The following ADCY2 variants were observed in gnomAD, a reference collection of about 807,000 sequenced individuals.
ADCY2 encodes the protein adenylate cyclase type 2.
A neutral mutation model predicts 125.2 loss-of-function variants in ADCY2; 31 were observed. The ratio of observed to expected loss-of-function variants is 0.25; its 90% CI spans 0.19 to 0.33. The LOEUF is 0.33. Ranked by LOEUF, ADCY2 falls within the 10% of genes least tolerant of loss-of-function variation. The pLI is 1.00. For synonymous variants in ADCY2, 512 were observed against 548.4 expected (o/e 0.93, Z 0.93); for missense variants, 904 against 1,418.2 (o/e 0.64, Z 5.82).
intron 3 of ADCY2, among the ~76,000 whole-genome samples, chr5:7,532,144 C>T (rs1307962319): frequency 1.3e-5 from 2 of 152,184 alleles, no homozygotes; most frequent in Admixed American, 6.5e-5. Context: ...CTTGTTGAAA[C>T]AAAACTATCA....
intron 3 of ADCY2, among the ~76,000 whole-genome samples, chr5:7,554,444 T>C (rs1317041039): frequency 1.3e-5 from 2 of 152,212 alleles, no homozygotes; most frequent in Non-Finnish European, 2.9e-5. Flanking sequence ...AAGTACATAT[T>C]TGATTTTAAT....
intron 3 of ADCY2, among the ~76,000 whole-genome samples, chr5:7,617,414 G>T (rs978164533): frequency 1.1e-4 from 17 of 152,184 alleles, no homozygotes; most frequent in Non-Finnish European, 2.4e-4. Context: ...GTAGCCTTCA[G>T]AAATGTGAGG....
chr5:7,501,246 G>C (rs1579508887), intron 2 of ADCY2, among the ~76,000 whole-genome samples: 1 of 152,088 alleles, frequency 6.6e-6, no homozygotes, highest in Admixed American at 6.5e-5. Context: ...TGAAGCAAGA[G>C]GAATACAGAA....
chr5:7,520,667 G>C lies in ADCY2; in HGVS notation c.409-71G>C. The C allele has an allele frequency of 2.6e-6, 4 of 1,549,156 alleles. No individual in the cohort carries two copies. In the South Asian group the frequency reaches 4.6e-5, roughly 18 times the overall value. On this transcript the variant is annotated intron_variant, in intron 2 of 24. Coordinates refer to ENST00000338316, the MANE Select transcript of ADCY2 (RefSeq NM_020546.3). ...ATGCTGTTCTATGCAGCCTTTAGTG[G>C]CATGGAAACAGGAGGCTCTTAGAAA...
intron 24 of ADCY2, 140 bp downstream of exon 24, chr5:7,820,829 C>G (rs765221542): frequency 8.5e-7 from 1 of 1,177,866 alleles, no homozygotes; most frequent in Non-Finnish European, 1.1e-6. Flanking sequence ...TTTTGGAGAA[C>G]AATTTTTGGG....
chr5:7,660,902 G>C (rs1011311664), intron 4 of ADCY2, among the ~76,000 whole-genome samples: 27 of 152,176 alleles, frequency 1.8e-4, no homozygotes, highest in Non-Finnish European at 3.2e-4. Context: ...AGCAGGGAAG[G>C]GTAGCTATGG....
At chr5:7,640,702 T>C (rs1441086200) in intron 4 of ADCY2, among the ~76,000 whole-genome samples, 1 of 152,120 alleles carries the variant, frequency 6.6e-6, no homozygotes, top group Admixed American at 6.6e-5. Context: ...ATGAACAATA[T>C]AAGAGGGAAG....
At chr5:7,744,236 G>A (rs927398304) in intron 15 of ADCY2, among the ~76,000 whole-genome samples, 1 of 152,102 alleles carries the variant, frequency 6.6e-6, no homozygotes, top group African/African-American at 2.4e-5. Context: ...TGGGGGAAAA[G>A]GGGAGGGATA....
chr5:7,405,998 G>A (rs1349679827), intron 1 of ADCY2, among the ~76,000 whole-genome samples: 1 of 151,848 alleles, frequency 6.6e-6, no homozygotes, highest in African/African-American at 2.4e-5. Flanking sequence ...TAGCTGGGAC[G>A]CAGGTGTGTG....
At chr5:7,488,934 C>G (rs1743048123) in intron 2 of ADCY2, among the ~76,000 whole-genome samples, 1 of 152,168 alleles carries the variant, frequency 6.6e-6, no homozygotes, top group African/African-American at 2.4e-5. Flanking sequence ...ATGAGCCTCC[C>G]CTGAAGAATG....
chr5:7,787,286 C>T (rs73737629), intron 19 of ADCY2, among the ~76,000 whole-genome samples: 14,427 of 152,248 alleles, frequency 0.095, 1,640 homozygotes, highest in African/African-American at 0.27. Context: ...CTCTGCTAGA[C>T]GCCTGCGCAT....
chr5:7,814,401 G>T (rs1420934910), intron 22 of ADCY2, among the ~76,000 whole-genome samples: 1 of 151,982 alleles, frequency 6.6e-6, no homozygotes, highest in Admixed American at 6.6e-5. Context: ...ACAATGAGAG[G>T]TGAAGGATGC....
intron 4 of ADCY2, among the ~76,000 whole-genome samples, chr5:7,665,084 A>G (rs1739666591): frequency 6.6e-6 from 1 of 152,034 alleles, no homozygotes; most frequent in Non-Finnish European, 1.5e-5. Context: ...AAATATATAA[A>G]CCCAAGCTGT....
chr5:7,650,217 G>GACACACAT, intron 4 of ADCY2, among the ~76,000 whole-genome samples: 1 of 147,880 alleles, frequency 6.8e-6, no homozygotes, highest in Admixed American at 6.7e-5. Context: ...TGCAGGCACA[G>GACACACAT]ACACACACAC....
At chr5:7,667,048 A>C (rs1305998603) in intron 4 of ADCY2, among the ~76,000 whole-genome samples, 2 of 152,184 alleles carry the variant, frequency 1.3e-5, no homozygotes, top group Non-Finnish European at 2.9e-5. Flanking sequence ...AGCCCAATGT[A>C]TATCAAGAGA....
intron 10 of ADCY2, among the ~76,000 whole-genome samples, chr5:7,710,043 T>C (rs1741392194): frequency 6.6e-6 from 1 of 152,214 alleles, no homozygotes; most frequent in South Asian, 2.1e-4. Context: ...TGTATAATGC[T>C]ATTAAATGTG....
intron 19 of ADCY2, among the ~76,000 whole-genome samples, chr5:7,785,701 A>G (rs971249091): frequency 6.6e-6 from 1 of 152,160 alleles, no homozygotes; most frequent in Non-Finnish European, 1.5e-5. Context: ...AATATCACCT[A>G]GATGATCATT....
intron 4 of ADCY2, among the ~76,000 whole-genome samples, chr5:7,637,563 A>T (rs1738555372): frequency 6.6e-6 from 1 of 152,168 alleles, no homozygotes; most frequent in African/African-American, 2.4e-5. Context: ...AATAGCTACT[A>T]AAAAGGTTTT....
chr5:7,633,375 G>T (rs1195063940), intron 4 of ADCY2, among the ~76,000 whole-genome samples: 1 of 151,072 alleles, frequency 6.6e-6, no homozygotes, highest in Non-Finnish European at 1.5e-5. Context: ...GGCAGAGGTT[G>T]CAGTGAGCCA....
Sources: gnomAD v4.1 joint callset for allele counts (sites outside exome capture counted in the v4.1 genomes callset) on GRCh38, gnomAD v4.1.1 for gene constraint, MANE v1.5 for transcripts, NCBI Gene and HGNC (gene_info 2026-07-23, HGNC 2026-07-21) for gene names.